The following PRKN variants were observed in gnomAD, a reference collection of about 807,000 sequenced individuals.
PRKN encodes the protein parkin RBR E3 ubiquitin protein ligase.
PRKN carries 56 observed loss-of-function variants against 59.5 expected under a neutral mutation model. The observed-to-expected ratio is 0.94, with a 90% CI of 0.76 to 1.18. The LOEUF (loss-of-function observed/expected upper bound fraction) is 1.18. Ranked by LOEUF, PRKN falls within the 50% of genes most tolerant of loss-of-function variation. The probability of loss-of-function intolerance (pLI) is 0.00; values close to 1 mark genes in which losing one functional copy is unlikely to be tolerated. For synonymous variants in PRKN, 250 were observed against 222.1 expected (o/e 1.13, Z -1.12); for missense variants, 657 against 596.4 (o/e 1.10, Z -1.06).
intron 7 of PRKN, among the ~76,000 whole-genome samples, chr6:161,645,206 C>T (rs9647609): frequency 2.7e-5 from 4 of 149,674 alleles, no homozygotes; most frequent in East Asian, 2.0e-4. Context: ...CAAAATCTTA[C>T]GGAATAATCT....
intron 4 of PRKN, among the ~76,000 whole-genome samples, chr6:162,168,402 G>T (rs1449052746): frequency 2.0e-5 from 3 of 150,876 alleles, no homozygotes; most frequent in Non-Finnish European, 4.4e-5. Context: ...GTAATTAAGA[G>T]AACTAAATTA....
intron 1 of PRKN, among the ~76,000 whole-genome samples, chr6:162,580,738 T>C (rs987145072): frequency 6.6e-5 from 10 of 152,154 alleles, no homozygotes; most frequent in African/African-American, 2.2e-4. Flanking sequence ...AGCTACACTG[T>C]TTATATGTGG....
intron 7 of PRKN, among the ~76,000 whole-genome samples, chr6:161,624,298 G>A (rs1218467477): frequency 6.6e-6 from 1 of 152,182 alleles, no homozygotes; most frequent in South Asian, 2.1e-4. Context: ...TTTATGAAAC[G>A]AGTCTTAAAA....
At chr6:161,489,716 A>G (rs1777478578) in intron 9 of PRKN, among the ~76,000 whole-genome samples, 1 of 152,136 alleles carries the variant, frequency 6.6e-6, no homozygotes, top group South Asian at 2.1e-4. Flanking sequence ...GATTGTCATT[A>G]CTACAACACT....
At position 161,538,973 on chromosome 6, in the gene PRKN, T is replaced by G. The variant is rs35796302; in HGVS notation, c.1083+9881A>C. Among the ~76,000 whole-genome samples, 24,074 of 152,128 alleles carry G rather than the reference T, an allele frequency of 0.16. 2,422 individuals carry two copies. Among genetic ancestry groups the G allele is most frequent in the Middle Eastern group, 0.29 (84 of 294 alleles). On this transcript the variant is annotated intron_variant, in intron 9 of 11. Coordinates refer to ENST00000366898, the MANE Select transcript of PRKN (RefSeq NM_004562.3). The surrounding 1 kb of genome is among the most constrained non-coding windows in gnomAD (Gnocchi z 4.2). ...CGCTGACCTTGGTGTTCCTGTTTCG[T>G]GTGAAGAGTGAGGGCGTGCTGCTTC...
intron 2 of PRKN, among the ~76,000 whole-genome samples, chr6:162,350,076 C>T (rs1374360098): frequency 1.3e-5 from 2 of 151,928 alleles, no homozygotes; most frequent in African/African-American, 2.4e-5. Flanking sequence ...GAAATTAAAA[C>T]GTTAACACTA....
chr6:162,380,449 ATATATACACACATATATATGTGTG>A (rs1562716426), intron 2 of PRKN, among the ~76,000 whole-genome samples: 13 of 88,200 alleles, frequency 1.5e-4, no homozygotes, highest in South Asian at 1.5e-3. Context: ...ATATATATGT[ATATATACACACATATATATGTGTG>A]TATATATATG....
Position 161,349,695 on chromosome 6 carries a change from C to T in PRKN, c.*404G>A. Reference sequence around the variant, plus strand: ...AAAGGCAGGATATTAAATGTGAGAACTCTCTCTCCAGCTACTGATTCTGCC... The same window carrying T: ...AAAGGCAGGATATTAAATGTGAGAATTCTCTCTCCAGCTACTGATTCTGCC... On this transcript the variant is annotated 3_prime_UTR_variant, in exon 12 of 12. Coordinates refer to ENST00000366898, the MANE Select transcript of PRKN (RefSeq NM_004562.3). This position sits in a 1 kb window ranked among gnomAD's most constrained non-coding sequence, Gnocchi z 5.5. 2.9e-6 allele frequency: 1 copy of T among 349,868 alleles called. No individual in the cohort carries two copies. Among genetic ancestry groups the T allele is most frequent in the South Asian group, 4.1e-5 (1 of 24,228 alleles). The allele number at this position is 349,868 out of a possible 1,614,324, so 21.7% of individuals were successfully genotyped here. A position where few individuals can be genotyped will look rare whatever the true frequency, so the allele number is the denominator to read the frequency against.
chr6:162,137,852 C>G (rs1043219598), intron 4 of PRKN, among the ~76,000 whole-genome samples: 1 of 152,270 alleles, frequency 6.6e-6, no homozygotes, highest in Admixed American at 6.5e-5. Context: ...TAAATTTCAA[C>G]ATGAGTTTTG....
At chr6:161,630,945 C>T (rs1212778909) in intron 7 of PRKN, among the ~76,000 whole-genome samples, 2 of 152,206 alleles carry the variant, frequency 1.3e-5, no homozygotes, top group Admixed American at 1.3e-4. Flanking sequence ...AGGATACAGA[C>T]AAAAACAATC....
At chr6:161,970,888 GAAAGC>G (rs1780780713) in intron 6 of PRKN, among the ~76,000 whole-genome samples, 1 of 152,124 alleles carries the variant, frequency 6.6e-6, no homozygotes, top group Non-Finnish European at 1.5e-5. Flanking sequence ...AATTTAAAAA[GAAAGC>G]ATTATCAGGA....
intron 4 of PRKN, among the ~76,000 whole-genome samples, chr6:162,161,467 A>C (rs920990105): frequency 2.0e-5 from 3 of 152,200 alleles, no homozygotes; most frequent in South Asian, 2.1e-4. Flanking sequence ...AAAATGAAAA[A>C]TTTACAGAAA....
At chr6:161,912,331 A>G (rs944024418) in intron 6 of PRKN, among the ~76,000 whole-genome samples, 1 of 152,152 alleles carries the variant, frequency 6.6e-6, no homozygotes, top group African/African-American at 2.4e-5. Flanking sequence ...TGGCAACGTA[A>G]CAAAAGCAGA....
chr6:162,366,930 G>T (rs1423088718), intron 2 of PRKN, among the ~76,000 whole-genome samples: 1 of 152,102 alleles, frequency 6.6e-6, no homozygotes, highest in Admixed American at 6.5e-5. Flanking sequence ...AAATTAAAAT[G>T]TTTATTCCCT....
rs1778680604 is a variant in PRKN at position 161,518,056 on chromosome 6, G to A, written c.1083+30798C>T. Among the ~76,000 whole-genome samples, 1 of 152,214 alleles carries A rather than the reference G, an allele frequency of 6.6e-6. No homozygotes were observed. Among genetic ancestry groups the A allele is most frequent in the Non-Finnish European group, 1.5e-5 (1 of 68,036 alleles). ...CTGCACAGTGGCTTCAAGCTGGAGG[G>A]AGATTTGGCTTCTATGAGGGCATGT... is the stretch of plus-strand genomic sequence containing the variant. On this transcript the variant is annotated intron_variant, in intron 9 of 11. Transcript: ENST00000366898. The surrounding 1 kb of genome is among the most constrained non-coding windows in gnomAD (Gnocchi z 5.0).
chr6:162,310,688 T>C (rs932187192), intron 2 of PRKN, among the ~76,000 whole-genome samples: 1 of 151,944 alleles, frequency 6.6e-6, no homozygotes, highest in African/African-American at 2.4e-5. Context: ...GGCACATGTA[T>C]ACATATGTAA....
chr6:161,627,485 T>C (rs1222572584), intron 7 of PRKN, among the ~76,000 whole-genome samples: 1 of 152,050 alleles, frequency 6.6e-6, no homozygotes, highest in Admixed American at 6.6e-5. Flanking sequence ...ACAAGAGGAG[T>C]GTAGCAAGTG....
At chr6:162,207,834 A>G (rs746885115) in intron 3 of PRKN, among the ~76,000 whole-genome samples, 2 of 152,172 alleles carry the variant, frequency 1.3e-5, no homozygotes, top group Admixed American at 6.5e-5. Flanking sequence ...TAAACACTCA[A>G]TAGGTATTTG....
At chr6:162,429,259 G>GT (rs1789392443) in intron 2 of PRKN, among the ~76,000 whole-genome samples, 2 of 152,106 alleles carry the variant, frequency 1.3e-5, no homozygotes, top group Non-Finnish European at 2.9e-5. Context: ...TGTCCTTTTA[G>GT]CACGTGGCTT....
Sources: gnomAD v4.1 joint callset for allele counts (sites outside exome capture counted in the v4.1 genomes callset) on GRCh38, gnomAD v4.1.1 for gene constraint, Gnocchi (gnomAD v3.1) non-coding constraint, MANE v1.5 for transcripts, NCBI Gene and HGNC (gene_info 2026-07-23, HGNC 2026-07-21) for gene names.